The following CACNB2 variants were observed in gnomAD, a reference collection of about 807,000 sequenced individuals.
CACNB2 encodes calcium voltage-gated channel auxiliary subunit beta 2, also known as voltage-dependent L-type calcium channel subunit beta-2.
In CACNB2, 42 loss-of-function variants were observed where a neutral mutation model predicts 73.3. That is an observed-to-expected ratio of 0.57 (90% CI 0.45 to 0.74). CACNB2 has a LOEUF of 0.74. CACNB2 is among the 30% of genes least tolerant of loss of function. CACNB2 has a pLI of 0.00. For synonymous variants in CACNB2, 348 were observed against 310.3 expected (o/e 1.12, Z -1.28); for missense variants, 940 against 853.0 (o/e 1.10, Z -1.27).
intron 1 of CACNB2, among the ~76,000 whole-genome samples, chr10:18,144,490 T>A (rs1250357119): frequency 6.6e-6 from 1 of 152,220 alleles, no homozygotes; most frequent in African/African-American, 2.4e-5. Flanking sequence ...GTTGAACAGT[T>A]TCAGCGTGAA....
intron 2 of CACNB2, among the ~76,000 whole-genome samples, chr10:18,196,030 A>G (rs2034607624): frequency 6.6e-6 from 1 of 152,168 alleles, no homozygotes; most frequent in South Asian, 2.1e-4. Flanking sequence ...AGCACTGAGC[A>G]CTTACTATGT....
chr10:18,447,893 G>A (rs1476598650), intron 3 of CACNB2, among the ~76,000 whole-genome samples: 2 of 152,104 alleles, frequency 1.3e-5, no homozygotes, highest in African/African-American at 4.8e-5. Flanking sequence ...AAACCCGAGA[G>A]CTATTTTTGT....
intron 2 of CACNB2, among the ~76,000 whole-genome samples, chr10:18,250,747 C>T (rs187812648): frequency 6.6e-6 from 1 of 152,332 alleles, no homozygotes; most frequent in Admixed American, 6.5e-5. Flanking sequence ...TCCTCCATTT[C>T]CGTTTCCCCA....
At chr10:18,314,652 C>T (rs1183699242) in intron 2 of CACNB2, among the ~76,000 whole-genome samples, 1 of 152,040 alleles carries the variant, frequency 6.6e-6, no homozygotes, top group Non-Finnish European at 1.5e-5. Flanking sequence ...CCCTCAGTTA[C>T]CATTCAAAAA....
chr10:18,500,665 C>G (rs2050144987), intron 4 of CACNB2, 147 bp from the exon 5 acceptor site: 1 of 816,878 alleles, frequency 1.2e-6, no homozygotes. Flanking sequence ...ACATGTGAAA[C>G]CCATGAGCCG....
At chr10:18,365,422 C>T (rs1206835742) in intron 2 of CACNB2, among the ~76,000 whole-genome samples, 2 of 152,106 alleles carry the variant, frequency 1.3e-5, no homozygotes, top group African/African-American at 2.4e-5. Context: ...CAAATAAAAG[C>T]GATTTGGACT....
At chr10:18,325,673 C>T (rs2040557653) in intron 2 of CACNB2, among the ~76,000 whole-genome samples, 1 of 123,282 alleles carries the variant, frequency 8.1e-6, no homozygotes, top group South Asian at 2.7e-4. Context: ...CTTTCTTTCT[C>T]TTTCCCTCCC....
rs71402161 is a variant in CACNB2, at chr10:18,408,231, CTT to C, written c.333+6212_333+6213del. 2.3e-3 allele frequency among the ~76,000 whole-genome samples: 181 copies of C among 77,956 alleles called. 1 individual carries two copies. Among genetic ancestry groups the C allele is most frequent in the Middle Eastern group, 0.01 (1 of 100 alleles). The allele number at this position is 77,956 out of a possible 152,430, so 51.1% of individuals were successfully genotyped here. A position where few individuals can be genotyped will look rare whatever the true frequency, so the allele number is the denominator to read the frequency against. On this transcript the variant is annotated intron_variant, in intron 3 of 13. Transcript: ENST00000324631. The stretch of plus-strand genomic sequence containing the variant: ...TTAAGGAAACATTCACTATCCCTGA[CTT>C]TTTTTTTTTTTTTTTTTTTTTTTGA...
chr10:18,419,986 T>A (rs1015618565), intron 3 of CACNB2, among the ~76,000 whole-genome samples: 12 of 152,242 alleles, frequency 7.9e-5, no homozygotes, highest in African/African-American at 2.9e-4. Flanking sequence ...CTATAAGTTC[T>A]AGGTTTTTAT....
chr10:18,283,598 C>T (rs951642002), intron 2 of CACNB2, among the ~76,000 whole-genome samples: 10 of 145,716 alleles, frequency 6.9e-5, no homozygotes, highest in Non-Finnish European at 1.2e-4. Context: ...CATGTTCTCA[C>T]TCATAGGTGG....
chr10:18,331,476 T>TG lies in CACNB2; in HGVS notation c.214-70441dup, dbSNP rs1437297948. 3.9e-3 allele frequency among the ~76,000 whole-genome samples: 572 copies of TG among 146,742 alleles called. 4 individuals are homozygous for TG. Among genetic ancestry groups the TG allele is most frequent in the Non-Finnish European group, 4.4e-3 (290 of 66,652 alleles). On this transcript the variant is annotated intron_variant, in intron 2 of 13. Transcript: ENST00000324631. ...CTCATTTAAAAAAAAAAAAAAAGGA[T>TG]GGGGGGGTGAAAATTGCACAATTTC...
chr10:18,241,575 A>G (rs1439926807), intron 2 of CACNB2, among the ~76,000 whole-genome samples: 3 of 152,048 alleles, frequency 2.0e-5, no homozygotes, highest in African/African-American at 7.2e-5. Flanking sequence ...CCAGAACTTG[A>G]AGTATATTAA....
chr10:18,437,604 G>C (rs2046202439), intron 3 of CACNB2, among the ~76,000 whole-genome samples: 1 of 152,118 alleles, frequency 6.6e-6, no homozygotes, highest in South Asian at 2.1e-4. Context: ...CAATCACGTG[G>C]GCCAATCTAA....
intron 2 of CACNB2, among the ~76,000 whole-genome samples, chr10:18,369,856 G>A (rs1453047623): frequency 2.0e-5 from 3 of 152,128 alleles, no homozygotes; most frequent in East Asian, 1.9e-4. Context: ...GCAGAGAGCC[G>A]AGATCATGCC....
chr10:18,147,883 C>T (rs1022295995), intron 1 of CACNB2, among the ~76,000 whole-genome samples: 1 of 151,822 alleles, frequency 6.6e-6, no homozygotes, highest in Non-Finnish European at 1.5e-5. Flanking sequence ...CCAAATCTTT[C>T]GAGCAAGATG....
chr10:18,401,808 C>T (rs1290540245), intron 2 of CACNB2, 116 bp from the exon 3 acceptor site: 1 of 1,018,648 alleles, frequency 9.8e-7, no homozygotes, highest in African/African-American at 1.6e-5. Context: ...ATTATTTTCT[C>T]CTCTTTTCAG....
intron 2 of CACNB2, among the ~76,000 whole-genome samples, chr10:18,310,215 C>G (rs12354949): frequency 1.3e-5 from 2 of 151,878 alleles, no homozygotes; most frequent in Non-Finnish European, 2.9e-5. Flanking sequence ...TTTCGTAGTT[C>G]TTAACATCTT....
At chr10:18,362,893 A>T (rs1265865013) in intron 2 of CACNB2, among the ~76,000 whole-genome samples, 1 of 146,862 alleles carries the variant, frequency 6.8e-6, no homozygotes, top group Non-Finnish European at 1.5e-5. Context: ...TGGGCGACAG[A>T]GTGAAACTCT....
intron 2 of CACNB2, among the ~76,000 whole-genome samples, chr10:18,259,689 C>T (rs1033132200): frequency 1.4e-5 from 2 of 146,600 alleles, no homozygotes; most frequent in South Asian, 2.2e-4. Flanking sequence ...TGAGGTTGTG[C>T]CACTGCACTC....
Sources: gnomAD v4.1 joint callset for allele counts (sites outside exome capture counted in the v4.1 genomes callset) on GRCh38, gnomAD v4.1.1 for gene constraint, MANE v1.5 for transcripts, NCBI Gene and HGNC (gene_info 2026-07-23, HGNC 2026-07-21) for gene names.